Variants in CUX2 observed in about 807,000 individuals in gnomAD.
CUX2 encodes the protein cut like homeobox 2, also known as homeobox protein cut-like 2.
In CUX2, 40 loss-of-function variants were observed where a neutral mutation model predicts 144.8. The observed-to-expected ratio is 0.28, with a 90% confidence interval of 0.21 to 0.36. The LOEUF is 0.36. Among genes scored for constraint, CUX2 ranks in the 10% least tolerant of loss-of-function variants. CUX2 has a pLI of 1.00. For synonymous variants in CUX2, 827 were observed against 875.6 expected, an observed-to-expected ratio of 0.94 and a Z score of 0.98; for missense variants, 1,615 against 1,994.0, an observed-to-expected ratio of 0.81 and a Z score of 3.62.
At chr12:111,326,796 C>T (rs911884188) in intron 18 of CUX2, among the ~76,000 whole-genome samples, 1 of 151,920 alleles carries the variant, frequency 6.6e-6, no homozygotes, top group East Asian at 1.9e-4. Flanking sequence ...CCCAGCTACT[C>T]GGGAGGCTAA....
intron 18 of CUX2, among the ~76,000 whole-genome samples, chr12:111,331,890 G>A (rs1040723844): frequency 1.3e-5 from 2 of 151,930 alleles, no homozygotes; most frequent in African/African-American, 2.4e-5. Flanking sequence ...GACCAGCCTG[G>A]CCAATATGGC....
intron 18 of CUX2, among the ~76,000 whole-genome samples, chr12:111,328,974 T>TC (rs1454171974): frequency 3.5e-4 from 23 of 65,316 alleles, no homozygotes; most frequent in Admixed American, 4.8e-4. Context: ...TCTCTCTCTC[T>TC]CCCCCTCTCT....
Position 111,178,125 on chromosome 12 carries a change from G to A in CUX2, c.64-36075G>A, listed in dbSNP as rs1346713924. On this transcript the variant is annotated intron_variant, in intron 1 of 21. Coordinates refer to ENST00000261726, the MANE Select transcript of CUX2 (RefSeq NM_015267.4). This position sits in a 1 kb window ranked among gnomAD's most constrained non-coding sequence, Gnocchi z 5.7. ...AGAAACCCTGGGGTTTTCTGCAAAGGTCTGTCTGTGTCTAGAAGAAGAGAT... is the reference window on the plus strand; with the variant it reads ...AGAAACCCTGGGGTTTTCTGCAAAGATCTGTCTGTGTCTAGAAGAAGAGAT... Among the ~76,000 whole-genome samples, 1 of 152,174 alleles carries A rather than the reference G, an allele frequency of 6.6e-6. No individual in the cohort carries two copies. Among genetic ancestry groups the A allele is most frequent in the African/African-American group, 2.4e-5 (1 of 41,436 alleles).
chr12:111,317,382 C>T (rs1169025283), intron 16 of CUX2, among the ~76,000 whole-genome samples: 1 of 150,930 alleles, frequency 6.6e-6, no homozygotes, highest in Non-Finnish European at 1.5e-5. Context: ...TCTCAGGTGT[C>T]TGTGTGTATG....
At chr12:111,247,715 C>G (rs1883345212) in intron 3 of CUX2, among the ~76,000 whole-genome samples, 1 of 152,094 alleles carries the variant, frequency 6.6e-6, no homozygotes, top group Non-Finnish European at 1.5e-5. Context: ...CATTGCTGAC[C>G]CTCTGCCCAC....
chr12:111,322,321 CAAAAAAAAAA>C lies in CUX2; in HGVS notation c.2767-86_2767-77del. ...CGACAGACAAAGCGAGACTCTGCCT[CAAAAAAAAAA>C]AAAAAAAAAAAAAGGTTGGGGAGGA... is the stretch of plus-strand genomic sequence containing the variant. On this transcript the variant is annotated intron_variant, in intron 17 of 21. Transcript: ENST00000261726. The surrounding 1 kb of genome is among the most constrained non-coding windows in gnomAD (Gnocchi z 4.2). 26 of 758,228 alleles carry C rather than the reference CAAAAAAAAAA, an allele frequency of 3.4e-5. No homozygotes were observed. Among genetic ancestry groups the C allele is most frequent in the East Asian group, 1.6e-4 (5 of 30,828 alleles). 47.0% of individuals were successfully genotyped at this position (758,228 alleles called of 1,614,324 possible). A position where few individuals can be genotyped will look rare whatever the true frequency, so the allele number is the denominator to read the frequency against.
chr12:111,230,505 T>G (rs544797500), intron 3 of CUX2, among the ~76,000 whole-genome samples: 1 of 152,222 alleles, frequency 6.6e-6, no homozygotes, highest in East Asian at 1.9e-4. Context: ...TATGGGCACA[T>G]GAAAGTTTGA....
chr12:111,167,446 C>T (rs1408850597), intron 1 of CUX2, among the ~76,000 whole-genome samples: 2 of 152,166 alleles, frequency 1.3e-5, no homozygotes, highest in Admixed American at 6.5e-5. Flanking sequence ...TTCTGTAATG[C>T]CTAGCCCAGA....
chr12:111,137,011 C>A (rs1285197567), intron 1 of CUX2, among the ~76,000 whole-genome samples: 1 of 150,966 alleles, frequency 6.6e-6, no homozygotes, highest in Non-Finnish European at 1.5e-5. Context: ...GATCTTGGTT[C>A]ATTGCAACCT....
intron 1 of CUX2, among the ~76,000 whole-genome samples, chr12:111,156,985 C>CAAAAAAAAAAAAAAA (rs1200398908): frequency 5.3e-5 from 1 of 18,992 alleles, no homozygotes; most frequent in African/African-American, 2.8e-4. Flanking sequence ...AAACTTCTCT[C>CAAAAAAAAAAAAAAA]AAAAAAAAAA....
chr12:111,095,099 A>G (rs1200459096), intron 1 of CUX2, among the ~76,000 whole-genome samples: 2 of 152,014 alleles, frequency 1.3e-5, no homozygotes, highest in East Asian at 1.9e-4. Context: ...ACCCCATAGC[A>G]TCTCTTATGC....
Position 111,312,824 on chromosome 12 carries a change from C to T in CUX2, c.2002+623C>T, listed in dbSNP as rs148409671. Among the ~76,000 whole-genome samples the T allele has an allele frequency of 1.4e-3, 208 of 152,306 alleles. No individual in the cohort carries two copies. In the Middle Eastern group the frequency reaches 0.037, roughly 27 times the overall value. ...CCCAGCTGCCGTGCACTCCACCCTG[C>T]GCCTCTGATGCTGTCCTTACCCCAG... On this transcript the variant is annotated intron_variant, in intron 16 of 21. Coordinates refer to ENST00000261726, the MANE Select transcript of CUX2 (RefSeq NM_015267.4). This position sits in a 1 kb window ranked among gnomAD's most constrained non-coding sequence, Gnocchi z 4.3.
chr12:111,051,731 T>G (rs1870277793), intron 1 of CUX2, among the ~76,000 whole-genome samples: 1 of 152,186 alleles, frequency 6.6e-6, no homozygotes, highest in South Asian at 2.1e-4. Flanking sequence ...TCATATTTAA[T>G]GTTATTATTG....
At chr12:111,081,104 G>A (rs896659334) in intron 1 of CUX2, among the ~76,000 whole-genome samples, 1 of 152,074 alleles carries the variant, frequency 6.6e-6, no homozygotes, top group African/African-American at 2.4e-5. Flanking sequence ...CAGGACCCAG[G>A]CCTCAGCCCT....
intron 1 of CUX2, among the ~76,000 whole-genome samples, chr12:111,177,155 A>G (rs1371315354): frequency 1.3e-5 from 2 of 152,102 alleles, no homozygotes; most frequent in Non-Finnish European, 2.9e-5. Flanking sequence ...CTGGCATGCC[A>G]GCACCCCTGT....
At chr12:111,333,959 G>A (rs7299183) in intron 18 of CUX2, among the ~76,000 whole-genome samples, 35,456 of 151,774 alleles carry the variant, frequency 0.23, 4,864 homozygotes, top group East Asian at 0.57. Flanking sequence ...AGGCTGAGGC[G>A]GGTGGATCAT....
At chr12:111,268,703 C>T (rs1884502419) in intron 4 of CUX2, among the ~76,000 whole-genome samples, 2 of 152,258 alleles carry the variant, frequency 1.3e-5, no homozygotes, top group Admixed American at 1.3e-4. Flanking sequence ...ATAACGTACT[C>T]ATGGCCAAGA....
At chr12:111,119,795 C>T (rs943964377) in intron 1 of CUX2, among the ~76,000 whole-genome samples, 2 of 152,188 alleles carry the variant, frequency 1.3e-5, no homozygotes, top group Admixed American at 6.5e-5. Flanking sequence ...CAGTGGCTTG[C>T]GCCTGTAATC....
chr12:111,307,692 G>T lies in CUX2; in HGVS notation c.1109+435G>T, dbSNP rs1886660091. ...AGCCTGGACAACACAGTGAGACCCT[G>T]TCTCAAAAACAAAACGAAATTCAAC... On this transcript the variant is annotated intron_variant, in intron 12 of 21. Coordinates refer to ENST00000261726, the MANE Select transcript of CUX2 (RefSeq NM_015267.4). This position sits in a 1 kb window ranked among gnomAD's most constrained non-coding sequence, Gnocchi z 4.1. Among the ~76,000 whole-genome samples, 1 of 151,740 alleles carries T rather than the reference G, an allele frequency of 6.6e-6. No individual in the cohort carries two copies. Among genetic ancestry groups the T allele is most frequent in the South Asian group, 2.1e-4 (1 of 4,804 alleles).
Sources: gnomAD v4.1 joint callset for allele counts (sites outside exome capture counted in the v4.1 genomes callset) on GRCh38, gnomAD v4.1.1 for gene constraint, Gnocchi (gnomAD v3.1) non-coding constraint, MANE v1.5 for transcripts, NCBI Gene and HGNC (gene_info 2026-07-23, HGNC 2026-07-21) for gene names.